The following ROCK1 variants were observed in gnomAD, a reference collection of about 807,000 sequenced individuals.
ROCK1 encodes Rho associated coiled-coil containing protein kinase 1.
A neutral mutation model predicts 196.8 loss-of-function variants in ROCK1; 36 were observed. The ratio of observed to expected loss-of-function variants is 0.18; its 90% CI spans 0.14 to 0.24. The LOEUF is 0.24. ROCK1 is among the 10% of genes least tolerant of loss of function. The pLI, the probability that ROCK1 is intolerant of heterozygous loss-of-function variation, is 1.00. For synonymous variants in ROCK1, 443 were observed against 515.9 expected, an observed-to-expected ratio of 0.86 and a Z score of 1.91; for missense variants, 920 against 1,562.0, an observed-to-expected ratio of 0.59 and a Z score of 6.93.
At chr18:20,979,220 T>C (rs941275870) in intron 22 of ROCK1, among the ~76,000 whole-genome samples, 3 of 152,160 alleles carry the variant, frequency 2.0e-5, no homozygotes, top group East Asian at 1.9e-4. Context: ...TGAGCCACCA[T>C]GCCCGGCCAT....
Position 21,045,899 on chromosome 18 carries a change from G to GTT in ROCK1, c.415-434_415-433dup, listed in dbSNP as rs34360056. Among the ~76,000 whole-genome samples the GTT allele has an allele frequency of 8.5e-3, 528 of 62,394 alleles. 61 individuals are homozygous for GTT. Among genetic ancestry groups the GTT allele is most frequent in the East Asian group, 0.036 (57 of 1,604 alleles). 40.9% of individuals were successfully genotyped at this position (62,394 alleles called of 152,430 possible). A position where few individuals can be genotyped will look rare whatever the true frequency, so the allele number is the denominator to read the frequency against. The stretch of plus-strand genomic sequence containing the variant: ...ATAAATTTGGCTTACAGTTTCAGCT[G>GTT]TTTTTTTTTTTTTTTTTTTTTTTTT... On this transcript the variant is annotated intron_variant, in intron 4 of 32. Transcript: ENST00000399799.
At chr18:20,970,939 A>C (rs1313230767) in intron 22 of ROCK1, among the ~76,000 whole-genome samples, 1 of 152,194 alleles carries the variant, frequency 6.6e-6, no homozygotes, top group African/African-American at 2.4e-5. Flanking sequence ...CACTTCCTGC[A>C]GTTCAGTTTC....
At chr18:21,088,682 G>T (rs2036546325) in intron 1 of ROCK1, among the ~76,000 whole-genome samples, 1 of 152,098 alleles carries the variant, frequency 6.6e-6, no homozygotes, top group Admixed American at 6.6e-5. Context: ...CCTTTGGGAA[G>T]GTGTAAAGGT....
At chr18:21,046,593 G>T (rs1266173741) in intron 4 of ROCK1, among the ~76,000 whole-genome samples, 2 of 152,122 alleles carry the variant, frequency 1.3e-5, no homozygotes, top group Non-Finnish European at 1.5e-5. Flanking sequence ...AATAGTAACA[G>T]CAAAATCCAC....
At chr18:21,024,378 T>C (rs1286519339) in intron 10 of ROCK1, among the ~76,000 whole-genome samples, 2 of 152,168 alleles carry the variant, frequency 1.3e-5, no homozygotes, top group African/African-American at 4.8e-5. Flanking sequence ...ACAATCTAAA[T>C]AGATCATATA....
At chr18:21,013,140 A>C (rs2035832907) in intron 13 of ROCK1, among the ~76,000 whole-genome samples, 1 of 152,190 alleles carries the variant, frequency 6.6e-6, no homozygotes. Flanking sequence ...ATTCCAGTTA[A>C]AATTTTCCTA....
chr18:20,990,863 C>A (rs546115866), intron 18 of ROCK1, among the ~76,000 whole-genome samples: 2 of 151,720 alleles, frequency 1.3e-5, no homozygotes, highest in African/African-American at 4.8e-5. Flanking sequence ...TGGGTTCAAG[C>A]GATTCTCCTG....
chr18:21,077,450 CACAGGCAGG>C (rs1426089126), intron 1 of ROCK1, among the ~76,000 whole-genome samples: 3 of 151,920 alleles, frequency 2.0e-5, no homozygotes, highest in Non-Finnish European at 4.4e-5. Context: ...TAATTCAGAA[CACAGGCAGG>C]AAAAGCAGCT....
intron 1 of ROCK1, among the ~76,000 whole-genome samples, chr18:21,072,328 GCC>G (rs1414966776): frequency 1.3e-5 from 2 of 152,170 alleles, no homozygotes; most frequent in Non-Finnish European, 2.9e-5. Flanking sequence ...AAACTTGTGT[GCC>G]TTTATTAGGG....
chr18:21,008,816 G>A (rs2035790641), intron 13 of ROCK1, among the ~76,000 whole-genome samples: 1 of 152,144 alleles, frequency 6.6e-6, no homozygotes, highest in Admixed American at 6.5e-5. Flanking sequence ...AAAGAAAGTT[G>A]CAAAGATAGT....
intron 1 of ROCK1, among the ~76,000 whole-genome samples, chr18:21,088,493 C>T (rs1018750118): frequency 1.3e-5 from 2 of 152,094 alleles, no homozygotes; most frequent in African/African-American, 2.4e-5. Flanking sequence ...GAGTGAGACC[C>T]TGTCTTAAAA....
intron 2 of ROCK1, among the ~76,000 whole-genome samples, chr18:21,050,662 T>C (rs2036196553): frequency 6.6e-6 from 1 of 152,200 alleles, no homozygotes; most frequent in South Asian, 2.1e-4. Flanking sequence ...TCAGTTCCAG[T>C]TCCTAATAAG....
intron 1 of ROCK1, among the ~76,000 whole-genome samples, chr18:21,103,986 C>T (rs896629065): frequency 5.9e-5 from 9 of 152,188 alleles, no homozygotes; most frequent in African/African-American, 2.2e-4. Flanking sequence ...TTCTTGAACA[C>T]ATGTGTGTCG....
At chr18:20,979,750 T>C (rs1490391502) in intron 22 of ROCK1, among the ~76,000 whole-genome samples, 160 bp downstream of exon 22, 1 of 152,202 alleles carries the variant, frequency 6.6e-6, no homozygotes, top group Non-Finnish European at 1.5e-5. Flanking sequence ...TTTTTCACCA[T>C]AAAGGCAAAT....
At chr18:21,100,646 GTGA>G (rs1450782705) in intron 1 of ROCK1, among the ~76,000 whole-genome samples, 1 of 151,782 alleles carries the variant, frequency 6.6e-6, no homozygotes, top group Non-Finnish European at 1.5e-5. Flanking sequence ...TGTCTTGTTT[GTGA>G]CTCATATGGA....
chr18:20,950,530 ATGTT>A lies in ROCK1; in HGVS notation c.*850_*853del, dbSNP rs2035176438. The A allele has an allele frequency of 6.6e-6, 1 of 152,196 alleles. No homozygotes were observed. The highest frequency in any genetic ancestry group is 2.1e-4 in the South Asian group (1 of 4,788). 9.4% of individuals were successfully genotyped at this position (152,196 alleles called of 1,614,324 possible). On this transcript the variant is annotated 3_prime_UTR_variant, in exon 33 of 33. Coordinates refer to ENST00000399799, the MANE Select transcript of ROCK1 (RefSeq NM_005406.3). ...TTCAAACAGTGCATACATTTCTTAT[ATGTT>A]TGTTAACTTAATGTCTTTATCATTT...
In ROCK1 at chr18:20,967,780, T is replaced by A; in HGVS notation, c.3164A>T (p.His1055Leu). The change falls in exon 26 of 33, where the codon CAT becomes CTT. Residue 1055 changes from histidine (H) to leucine (L), a missense_variant. Physicochemically the swap from His to Leu is moderately conservative, Grantham distance 99 (BLOSUM62 -3). Around this residue, in one of 6 missense-constraint regions of ROCK1, gnomAD observed 116 missense variants for 204.2 expected, o/e 0.57. Transcript: ENST00000399799. Reference protein sequence around the residue: ...REKFNQMVVKHQKELNDMQAQ... With the variant: ...REKFNQMVVKLQKELNDMQAQ... Reference sequence around the variant, plus strand: ...TTGCATGTCATTCAGTTCCTTCTGATGTTTCACTACCATCTGGTTGAATTT... The same window carrying A: ...TTGCATGTCATTCAGTTCCTTCTGAAGTTTCACTACCATCTGGTTGAATTT... 5.0e-6 allele frequency: 8 copies of A among 1,601,896 alleles called. No individual in the cohort carries two copies. The highest frequency in any genetic ancestry group is 6.8e-6 in the Non-Finnish European group (8 of 1,176,494).
At chr18:21,020,786 A>T (rs2035907319) in intron 11 of ROCK1, among the ~76,000 whole-genome samples, 1 of 152,212 alleles carries the variant, frequency 6.6e-6, no homozygotes, top group Admixed American at 6.5e-5. Flanking sequence ...TATATTTGGG[A>T]AATGGAAAGA....
At chr18:21,054,343 A>T (rs1467516050) in intron 2 of ROCK1, among the ~76,000 whole-genome samples, 1 of 152,094 alleles carries the variant, frequency 6.6e-6, no homozygotes. Flanking sequence ...ATCATGAAAA[A>T]ATACAAAAAA....
Sources: allele counts gnomAD v4.1 joint callset (sites outside exome capture counted in the v4.1 genomes callset), GRCh38; gene constraint gnomAD v4.1.1; regional missense constraint gnomAD v4.1.1; transcripts MANE v1.5; gene names NCBI Gene and HGNC (gene_info 2026-07-23, HGNC 2026-07-21).